TAFA2: variants seen among roughly 807,000 people sequenced by gnomAD.
TAFA2 encodes the protein chemokine-like protein TAFA-2.
Under a neutral mutation model 18.8 loss-of-function variants are expected in TAFA2, and 7 were observed. The ratio of observed to expected loss-of-function variants is 0.37; its 90% CI spans 0.21 to 0.70. TAFA2 has a LOEUF of 0.70. TAFA2 is among the 30% of genes least tolerant of loss of function. The pLI is 0.53. For missense variants in TAFA2, 122 were observed against 158.1 expected, an observed-to-expected ratio of 0.77 and a Z score of 1.23; for synonymous variants, 60 against 54.2, an observed-to-expected ratio of 1.11 and a Z score of -0.47.
intron 1 of TAFA2, chr12:61,879,304 C>T: frequency 4.2e-6 from 2 of 478,090 alleles, no homozygotes; most frequent in South Asian, 6.6e-5. Flanking sequence ...CCTGCTTCCA[C>T]TCCTGCCTCC....
intron 1 of TAFA2, among the ~76,000 whole-genome samples, chr12:61,903,763 C>T (rs1320912964): frequency 1.3e-5 from 2 of 152,064 alleles, no homozygotes; most frequent in African/African-American, 4.8e-5. Context: ...TTTTGTATGT[C>T]AACTACTGTA....
chr12:61,842,734 G>A (rs978201628), intron 2 of TAFA2, among the ~76,000 whole-genome samples: 1 of 151,972 alleles, frequency 6.6e-6, no homozygotes, highest in African/African-American at 2.4e-5. Flanking sequence ...AAATACAAAA[G>A]AGTAACCACA....
intron 1 of TAFA2, chr12:62,198,452 T>C (rs926799012): frequency 2.6e-5 from 4 of 152,252 alleles, no homozygotes; most frequent in Admixed American, 2.0e-4. Context: ...GTAAGAGAGA[T>C]AGAATAAGGA....
chr12:61,792,295 T>A (rs933868083), intron 2 of TAFA2, among the ~76,000 whole-genome samples: 1 of 151,336 alleles, frequency 6.6e-6, no homozygotes, highest in Non-Finnish European at 1.5e-5. Flanking sequence ...AAAGTTACAA[T>A]TAGAAAGGAA....
chr12:62,013,100 G>C (rs1880823483), intron 1 of TAFA2, among the ~76,000 whole-genome samples: 1 of 152,098 alleles, frequency 6.6e-6, no homozygotes, highest in South Asian at 2.1e-4. Flanking sequence ...TATTATTATT[G>C]AACATTCGTA....
At chr12:61,817,855 AT>A (rs941655523) in intron 2 of TAFA2, among the ~76,000 whole-genome samples, 6 of 151,998 alleles carry the variant, frequency 3.9e-5, no homozygotes, top group African/African-American at 9.7e-5. Context: ...ACCTTCAGGC[AT>A]TTTTTTTCCC....
At chr12:62,161,930 C>T (rs926628802) in intron 1 of TAFA2, among the ~76,000 whole-genome samples, 1 of 152,076 alleles carries the variant, frequency 6.6e-6, no homozygotes, top group Non-Finnish European at 1.5e-5. Flanking sequence ...TTGTCTAAAT[C>T]AATTAGCCTA....
At chr12:62,035,983 G>A (rs1315102528) in intron 1 of TAFA2, among the ~76,000 whole-genome samples, 5 of 151,534 alleles carry the variant, frequency 3.3e-5, no homozygotes, top group Non-Finnish European at 7.4e-5. Context: ...CTCGTGATCC[G>A]CCCGTCTCGG....
chr12:61,791,275 A>G (rs1453937529), intron 2 of TAFA2, among the ~76,000 whole-genome samples: 1 of 151,852 alleles, frequency 6.6e-6, no homozygotes, highest in Non-Finnish European at 1.5e-5. Flanking sequence ...GAGAGAAAAT[A>G]CTTCTTGACA....
At chr12:61,751,365 A>G (rs1333367751) in intron 4 of TAFA2, among the ~76,000 whole-genome samples, 3 of 152,038 alleles carry the variant, frequency 2.0e-5, no homozygotes, top group Non-Finnish European at 4.4e-5. Context: ...GAAAATGTCT[A>G]AGTAGCTCCA....
chr12:61,746,073 T>C (rs749907676), intron 4 of TAFA2, among the ~76,000 whole-genome samples: 5 of 152,042 alleles, frequency 3.3e-5, no homozygotes, highest in Non-Finnish European at 7.4e-5. Context: ...CCACCCAAAA[T>C]CTCACCTTGA....
At chr12:61,823,836 C>T (rs776928688) in intron 2 of TAFA2, among the ~76,000 whole-genome samples, 5 of 152,112 alleles carry the variant, frequency 3.3e-5, no homozygotes, top group South Asian at 2.1e-4. Context: ...ATAAGACTCA[C>T]GCATGATCAA....
At chr12:61,755,162 A>C in intron 2 of TAFA2, 138 bp from the exon 3 acceptor site, 1 of 698,794 alleles carries the variant, frequency 1.4e-6, no homozygotes, top group Non-Finnish European at 2.3e-6. Context: ...CAATGATGCT[A>C]ACTCCATAAT....
intron 2 of TAFA2, among the ~76,000 whole-genome samples, chr12:61,856,230 T>C (rs1873879555): frequency 6.6e-6 from 1 of 152,072 alleles, no homozygotes; most frequent in Non-Finnish European, 1.5e-5. Context: ...TCTGAAACTG[T>C]GCTACTATAC....
intron 2 of TAFA2, among the ~76,000 whole-genome samples, chr12:61,836,106 T>C (rs1872908943): frequency 6.6e-6 from 1 of 151,960 alleles, no homozygotes; most frequent in African/African-American, 2.4e-5. Context: ...AACTACTTGC[T>C]CCTACTGGTT....
intron 4 of TAFA2, among the ~76,000 whole-genome samples, chr12:61,728,543 C>A (rs1870283670): frequency 6.6e-6 from 1 of 151,774 alleles, no homozygotes; most frequent in African/African-American, 2.4e-5. Flanking sequence ...ATAAGAATAG[C>A]TATTTCTGCT....
At chr12:62,035,733 CTTT>C (rs34859628) in intron 1 of TAFA2, among the ~76,000 whole-genome samples, 5 of 60,228 alleles carry the variant, frequency 8.3e-5, no homozygotes, top group African/African-American at 1.5e-4. Flanking sequence ...ATGATTCTTT[CTTT>C]TTTTTTTTTT....
At chr12:62,254,718 C>T (rs138015377) in intron 1 of TAFA2, among the ~76,000 whole-genome samples, 1 of 152,272 alleles carries the variant, frequency 6.6e-6, no homozygotes, top group Non-Finnish European at 1.5e-5. Flanking sequence ...ACTGTGTGGT[C>T]TATAGTGTCC....
At chr12:62,075,284 TACTA>T in intron 1 of TAFA2, among the ~76,000 whole-genome samples, 1 of 152,338 alleles carries the variant, frequency 6.6e-6, no homozygotes. Context: ...ATGGTGGACA[TACTA>T]ACTATCCACT....
Sources: allele counts gnomAD v4.1 joint callset (sites outside exome capture counted in the v4.1 genomes callset), GRCh38; gene constraint gnomAD v4.1.1; transcripts MANE v1.5; gene names NCBI Gene and HGNC (gene_info 2026-07-23, HGNC 2026-07-21).